VWF: variants seen among roughly 807,000 people sequenced by gnomAD.
The protein encoded by VWF is von Willebrand factor, also known as Factor VIII related antigen.
Under a neutral mutation model 308.6 loss-of-function variants are expected in VWF, and 176 were observed. That is an observed-to-expected ratio of 0.57 (90% CI 0.50 to 0.65). The LOEUF (loss-of-function observed/expected upper bound fraction) is 0.65. VWF is among the 30% of genes least tolerant of loss of function. The pLI, the probability that VWF is intolerant of heterozygous loss-of-function variation, is 0.00. For missense variants in VWF, 3,146 were observed against 3,648.2 expected, an observed-to-expected ratio of 0.86 and a Z score of 3.55; for synonymous variants, 1,385 against 1,443.4, an observed-to-expected ratio of 0.96 and a Z score of 0.92.
chr12:6,028,621 A>G (rs1388480851), intron 22 of VWF, among the ~76,000 whole-genome samples: 1 of 152,208 alleles, frequency 6.6e-6, no homozygotes, highest in Non-Finnish European at 1.5e-5. Flanking sequence ...TTCTTAAAGA[A>G]AAGAATTTTC....
At chr12:6,112,794 C>T (rs1766040915) in intron 3 of VWF, among the ~76,000 whole-genome samples, 1 of 151,632 alleles carries the variant, frequency 6.6e-6, no homozygotes, top group African/African-American at 2.4e-5. Flanking sequence ...TGAACTGAGG[C>T]TGCAGGAGGA....
intron 6 of VWF, among the ~76,000 whole-genome samples, chr12:6,084,378 G>C (rs1018521945): frequency 3.9e-5 from 6 of 152,212 alleles, no homozygotes; most frequent in African/African-American, 1.4e-4. Context: ...GGCCGTGCCA[G>C]GAGCTGCGGG....
At chr12:5,961,689 CAAACA>C (rs1283462741) in intron 47 of VWF, among the ~76,000 whole-genome samples, 1 of 148,616 alleles carries the variant, frequency 6.7e-6, no homozygotes, top group Admixed American at 6.7e-5. Context: ...ATAAAAGCAA[CAAACA>C]AAACATAAAA....
rs1489031005 is a variant in VWF, at chr12:5,949,903, T to A, written c.8156-20A>T. 2.5e-6 allele frequency: 4 copies of A among 1,609,418 alleles called. No individual in the cohort carries two copies. Among genetic ancestry groups the A allele is most frequent in the African/African-American group, 2.7e-5 (2 of 74,848 alleles). On this transcript the variant is annotated intron_variant, in intron 50 of 51. Coordinates refer to ENST00000261405, the MANE Select transcript of VWF (RefSeq NM_000552.5). ...CCTCACCTACAGGACAGGTGAGAGA[T>A]GAAACTTGAGGACTGGCTGGGGTTC...
chr12:5,972,806 T>G (rs978353723), intron 43 of VWF, among the ~76,000 whole-genome samples: 8 of 152,060 alleles, frequency 5.3e-5, no homozygotes, highest in Admixed American at 2.0e-4. Flanking sequence ...CCTCAATCTG[T>G]GTACACACCC....
chr12:6,018,460 T>C lies in VWF; in HGVS notation c.4958A>G (p.Asp1653Gly). The C allele has an allele frequency of 1.2e-6, 2 of 1,613,352 alleles. No individual in the cohort carries two copies. The highest frequency in any genetic ancestry group is 1.1e-5 in the South Asian group (1 of 91,002). ...GWPNAPILIQ[D>G]FETLPREAPD... ...AGCCTCTCGGGGGAGCGTCTCAAAG[T>C]CCTGGATGAGGATAGGGGCATTGGG... The change falls in exon 28 of 52, where the codon GAC becomes GGC. Residue 1653 changes from aspartate (D) to glycine (G), a missense_variant. Asp to Gly is a moderately conservative substitution (Grantham distance 94, BLOSUM62 -1). This residue lies in a region of VWF where 853 missense variants were observed against 1,177.8 expected (regional missense o/e 0.72). Coordinates refer to ENST00000261405, the MANE Select transcript of VWF (RefSeq NM_000552.5).
chr12:5,970,082 G>T (rs1285691123), intron 44 of VWF, among the ~76,000 whole-genome samples: 1 of 152,050 alleles, frequency 6.6e-6, no homozygotes, highest in African/African-American at 2.4e-5. Context: ...CCTTCCAGAT[G>T]AGGTGTAGAA....
Position 6,040,360 on chromosome 12 carries a change from G to A in VWF, c.2443-3869C>T, listed in dbSNP as rs139145280. 1.9e-3 allele frequency among the ~76,000 whole-genome samples: 288 copies of A among 152,200 alleles called. 1 individual carries two copies. The highest frequency in any genetic ancestry group is 2.9e-3 in the Admixed American group (45 of 15,288). The stretch of plus-strand genomic sequence containing the variant: ...GCAGGTCTCAGAAAGTGAACACTGG[G>A]ATCTAAAAAGATGCTCCTGTGTGTG... On this transcript the variant is annotated intron_variant, in intron 18 of 51. Transcript: ENST00000261405.
At chr12:6,066,402 A>G (rs572951911) in intron 10 of VWF, among the ~76,000 whole-genome samples, 1 of 152,350 alleles carries the variant, frequency 6.6e-6, no homozygotes, top group East Asian at 1.9e-4. Flanking sequence ...CTACAGAAAA[A>G]GAAATATATA....
intron 5 of VWF, among the ~76,000 whole-genome samples, chr12:6,103,515 C>T (rs556216973): frequency 8.4e-6 from 1 of 119,338 alleles, no homozygotes. Flanking sequence ...TATATATATA[C>T]ACACATATGT....
intron 22 of VWF, among the ~76,000 whole-genome samples, chr12:6,027,100 G>GA (rs1357282057): frequency 6.6e-6 from 1 of 152,194 alleles, no homozygotes; most frequent in African/African-American, 2.4e-5. Flanking sequence ...CATAGAGGAA[G>GA]AATGTTCTCA....
chr12:6,014,816 C>T (rs1418511495), intron 31 of VWF, among the ~76,000 whole-genome samples: 1 of 152,226 alleles, frequency 6.6e-6, no homozygotes, highest in Non-Finnish European at 1.5e-5. Context: ...TATCACAGGG[C>T]TGAGCCCAGA....
chr12:6,112,396 A>T lies in VWF; in HGVS notation c.221-1428T>A, dbSNP rs372304024. On this transcript the variant is annotated intron_variant, in intron 3 of 51. Transcript: ENST00000261405. Reference sequence around the variant, plus strand: ...ATTCAAAGATAACTAATTGGTCATAAGAATCAAAAGACCCAGAAGGGAAAA... The same window carrying T: ...ATTCAAAGATAACTAATTGGTCATATGAATCAAAAGACCCAGAAGGGAAAA... 7.2e-5 allele frequency among the ~76,000 whole-genome samples: 11 copies of T among 152,326 alleles called. No individual in the cohort carries two copies. In the South Asian group the frequency reaches 1.0e-3, roughly 14 times the overall value.
At chr12:5,953,453 G>T in intron 48 of VWF, 43 bp downstream of exon 48, 1 of 1,564,096 alleles carries the variant, frequency 6.4e-7, no homozygotes, top group Non-Finnish European at 8.8e-7. Flanking sequence ...AAGGAAGCAA[G>T]ATGGTGATAT....
rs1944230759 is a variant in VWF at position 6,029,322 on chromosome 12, G to A, written c.2967+20C>T. 6.2e-7 allele frequency: 1 copy of A among 1,613,916 alleles called. No homozygotes were observed. The highest frequency in any genetic ancestry group is 8.5e-7 in the Non-Finnish European group (1 of 1,180,016). On this transcript the variant is annotated intron_variant, in intron 22 of 51. Coordinates refer to ENST00000261405, the MANE Select transcript of VWF (RefSeq NM_000552.5). The stretch of plus-strand genomic sequence containing the variant: ...CCAAAGGCCAAGTCCCCAACAAGAT[G>A]AAGCAAGAAAGCCACTGACCTGGTA...
chr12:6,020,271 A>C lies in VWF; in HGVS notation c.3675-528T>G, dbSNP rs1944115350. ...TGTTTGATATGTTGGGCCCTAACGAAGAGAGAAAAAATTGGAGCAAAAACA... is the reference window on the plus strand; with the variant it reads ...TGTTTGATATGTTGGGCCCTAACGACGAGAGAAAAAATTGGAGCAAAAACA... On this transcript the variant is annotated intron_variant, in intron 27 of 51. Transcript: ENST00000261405. This position sits in a 1 kb window ranked among gnomAD's most constrained non-coding sequence, Gnocchi z 4.3. Among the ~76,000 whole-genome samples the C allele has an allele frequency of 6.6e-6, 1 of 152,266 alleles. No homozygotes were observed. Among genetic ancestry groups the C allele is most frequent in the African/African-American group, 2.4e-5 (1 of 41,474 alleles).
intron 17 of VWF, among the ~76,000 whole-genome samples, chr12:6,045,243 TGC>T (rs1944435883): frequency 6.6e-6 from 1 of 152,218 alleles, no homozygotes; most frequent in Non-Finnish European, 1.5e-5. Context: ...AAAGCCCAGG[TGC>T]ACTTAATAGC....
Position 6,012,128 on chromosome 12 carries a change from A to G in VWF, c.5623T>C (p.Phe1875Leu). The G allele has an allele frequency of 6.2e-7, 1 of 1,613,978 alleles. No individual in the cohort carries two copies. The highest frequency in any genetic ancestry group is 8.5e-7 in the Non-Finnish European group (1 of 1,179,882). The change falls in exon 33 of 52, where the codon TTT (phenylalanine) becomes CTT (leucine). Residue 1875 changes from phenylalanine (F) to leucine (L), a missense_variant and splice_region_variant. Coordinates refer to ENST00000261405, the MANE Select transcript of VWF (RefSeq NM_000552.5). ...NSFLHKLCSG[F>L]VRICMDEDGN... ...TCCTCATCCATGCAAATCCTAACAA[A>G]TCCTGCAACAGACACAAATAAGACC...
At chr12:6,079,610 G>GA (rs71672997) in intron 6 of VWF, among the ~76,000 whole-genome samples, 265 of 133,852 alleles carry the variant, frequency 2.0e-3, no homozygotes, top group South Asian at 7.4e-3. Flanking sequence ...ACTCTGTCTC[G>GA]AAAAAAAAAA....
Sources: gnomAD v4.1 joint callset for allele counts (sites outside exome capture counted in the v4.1 genomes callset) on GRCh38, gnomAD v4.1.1 for gene constraint, gnomAD v4.1.1 regional missense constraint, Gnocchi (gnomAD v3.1) non-coding constraint, MANE v1.5 for transcripts, NCBI Gene and HGNC (gene_info 2026-07-23, HGNC 2026-07-21) for gene names.